The following GPC4 variants were observed in gnomAD, a reference collection of about 807,000 sequenced individuals.
GPC4 encodes the protein glypican-4.
GPC4 carries 10 observed loss-of-function variants against 35.0 expected under a neutral mutation model. The ratio of observed to expected loss-of-function variants is 0.29; its 90% CI spans 0.18 to 0.48. GPC4 has a LOEUF of 0.48. Among genes scored for constraint, GPC4 ranks in the 20% least tolerant of loss-of-function variants. The pLI, the probability that GPC4 is intolerant of heterozygous loss-of-function variation, is 0.99. For missense variants in GPC4, 322 were observed against 451.3 expected, an observed-to-expected ratio of 0.71 and a Z score of 2.60; for synonymous variants, 167 against 170.2, an observed-to-expected ratio of 0.98 and a Z score of 0.15.
chrX:133,312,757 T>C (rs960592435), intron 3 of GPC4, among the ~76,000 whole-genome samples: 1 of 111,016 alleles, frequency 9.0e-6, no homozygotes, highest in Non-Finnish European at 1.9e-5. Flanking sequence ...GGGCTATGAC[T>C]GGAAGTTTGT....
At position 133,344,191 on chromosome X, in the gene GPC4, G is replaced by T. The variant is rs1057152319; in HGVS notation, c.161-4850C>A. Among the ~76,000 whole-genome samples the T allele has an allele frequency of 1.6e-3, 64 of 38,888 alleles. No homozygotes were observed. The South Asian group carries it at 0.033, about 20-fold the overall frequency. 33.8% of individuals were successfully genotyped at this position (38,888 alleles called of 115,157 possible). A position where few individuals can be genotyped will look rare whatever the true frequency, so the allele number is the denominator to read the frequency against. ...TCTTTATTTTCTTTCTTTCTTTCTGGTTTTTTTTTTTTTTTTTTTTTTTTT... is the reference window on the plus strand; with the variant it reads ...TCTTTATTTTCTTTCTTTCTTTCTGTTTTTTTTTTTTTTTTTTTTTTTTTT... On this transcript the variant is annotated intron_variant, in intron 1 of 8. Coordinates refer to ENST00000370828, the MANE Select transcript of GPC4 (RefSeq NM_001448.3).
At position 133,305,972 on chromosome X, in the gene GPC4, C is replaced by T. The variant is rs374648524; in HGVS notation, c.1008+52G>A. On this transcript the variant is annotated intron_variant, in intron 5 of 8. Coordinates refer to ENST00000370828, the MANE Select transcript of GPC4 (RefSeq NM_001448.3). ...GGGAAGTCACTCCCAAGGCGGGAGG[C>T]GGAGGCGGGGGAGGTCCCTAGCTCC... 116 of 1,207,723 alleles carry T rather than the reference C, an allele frequency of 9.6e-5. No homozygotes were observed. In the African/African-American group the frequency reaches 1.4e-3, roughly 14 times the overall value.
intron 3 of GPC4, among the ~76,000 whole-genome samples, chrX:133,321,892 C>G (rs1261489327): frequency 2.7e-5 from 3 of 111,760 alleles, no homozygotes; most frequent in African/African-American, 9.8e-5. Context: ...TGAACAAAAA[C>G]ATACTAGAAA....
At chrX:133,333,437 T>C (rs1212797956) in intron 2 of GPC4, among the ~76,000 whole-genome samples, 3 of 112,777 alleles carry the variant, frequency 2.7e-5, no homozygotes, top group Non-Finnish European at 5.6e-5. Flanking sequence ...AAAGTCACAA[T>C]TGGTCACACT....
At chrX:133,384,337 A>T in intron 1 of GPC4, among the ~76,000 whole-genome samples, 1 of 110,833 alleles carries the variant, frequency 9.0e-6, no homozygotes, top group Non-Finnish European at 1.9e-5. Context: ...TGTTGTTAAA[A>T]CCTGCAGTGA....
intron 2 of GPC4, among the ~76,000 whole-genome samples, chrX:133,330,368 G>T (rs12559770): frequency 9.0e-6 from 1 of 110,600 alleles, no homozygotes; most frequent in Non-Finnish European, 1.9e-5. Flanking sequence ...TTTCACCTAA[G>T]ATCAAGTAAT....
In GPC4 at chrX:133,415,030, G is replaced by C. The variant is rs1476638094; in HGVS notation, c.-65C>G. ...GGACGGGAAGCGGCGCTACGGCAGCGGGCCGAGGGCTGGCGGAGTCGGGGA... is the reference window on the plus strand; with the variant it reads ...GGACGGGAAGCGGCGCTACGGCAGCCGGCCGAGGGCTGGCGGAGTCGGGGA... On this transcript the variant is annotated 5_prime_UTR_variant, in exon 1 of 9. Transcript: ENST00000370828. 3.2e-5 allele frequency: 35 copies of C among 1,095,943 alleles called. No homozygotes were observed. Among genetic ancestry groups the C allele is most frequent in the Admixed American group, 1.4e-4 (6 of 41,420 alleles). 90.3% of individuals were successfully genotyped at this position (1,095,943 alleles called of 1,213,427 possible).
At chrX:133,367,860 C>G (rs916391409) in intron 1 of GPC4, among the ~76,000 whole-genome samples, 4 of 111,989 alleles carry the variant, frequency 3.6e-5, no homozygotes, top group Admixed American at 9.4e-5. Flanking sequence ...AAAGCCAGAC[C>G]AGACTCTGTC....
chrX:133,372,498 C>T (rs968977027), intron 1 of GPC4, among the ~76,000 whole-genome samples: 1 of 110,797 alleles, frequency 9.0e-6, no homozygotes, highest in African/African-American at 3.3e-5. Context: ...GTCCATCTGC[C>T]TTGATAGTTG....
chrX:133,371,973 T>C (rs57036560), intron 1 of GPC4, among the ~76,000 whole-genome samples: 3,765 of 110,715 alleles, frequency 0.034, 154 homozygotes, highest in African/African-American at 0.12. Flanking sequence ...GTGGCTCACA[T>C]CTGTAATTCC....
chrX:133,362,633 T>C (rs751190129), intron 1 of GPC4, among the ~76,000 whole-genome samples: 1 of 111,669 alleles, frequency 9.0e-6, no homozygotes, highest in South Asian at 3.8e-4. Context: ...AGCACCAGAG[T>C]AATGCCCTGG....
At chrX:133,402,918 A>C (rs749479802) in intron 1 of GPC4, among the ~76,000 whole-genome samples, 2 of 108,498 alleles carry the variant, frequency 1.8e-5, no homozygotes, top group Non-Finnish European at 3.8e-5. Context: ...GGAAAAAAAA[A>C]AAAAAAAAAG....
intron 1 of GPC4, among the ~76,000 whole-genome samples, chrX:133,346,826 G>A (rs994827660): frequency 3.6e-5 from 4 of 111,229 alleles, no homozygotes; most frequent in African/African-American, 9.9e-5. Context: ...AAAATGTCCA[G>A]CATAAGCAAA....
intron 1 of GPC4, among the ~76,000 whole-genome samples, chrX:133,339,663 C>G (rs2068458180): frequency 8.9e-6 from 1 of 112,380 alleles, no homozygotes; most frequent in African/African-American, 3.2e-5. Context: ...TTCTCATATT[C>G]TATGCTAAAT....
In GPC4 at chrX:133,365,858, A is replaced by G. The variant is rs187982596; in HGVS notation, c.161-26517T>C. ...CATTACACATCTTTCCTAAATAGTT[A>G]CAGTTGTTTCACATACTTTTCTTTG... is the stretch of plus-strand genomic sequence containing the variant. On this transcript the variant is annotated intron_variant, in intron 1 of 8. Coordinates refer to ENST00000370828, the MANE Select transcript of GPC4 (RefSeq NM_001448.3). 7.4e-3 allele frequency among the ~76,000 whole-genome samples: 838 copies of G among 112,710 alleles called. 6 individuals are homozygous for G. Among genetic ancestry groups the G allele is most frequent in the Non-Finnish European group, 0.012 (640 of 53,396 alleles).
rs776529929 is a variant in GPC4, at chrX:133,395,459, C to G, written c.160+19347G>C. On this transcript the variant is annotated intron_variant, in intron 1 of 8. Transcript: ENST00000370828. ...CCAACACGGTGAAACCCTGTCTCTA[C>G]TAAAAAAATACAAAATTAGCCAGGT... is the stretch of plus-strand genomic sequence containing the variant. Among the ~76,000 whole-genome samples, 27 of 109,589 alleles carry G rather than the reference C, an allele frequency of 2.5e-4. 1 individual carries two copies. The Middle Eastern group carries it at 0.024, about 97-fold the overall frequency.
intron 1 of GPC4, among the ~76,000 whole-genome samples, chrX:133,398,881 G>A (rs1021023695): frequency 1.1e-4 from 12 of 111,360 alleles, no homozygotes; most frequent in African/African-American, 2.9e-4. Context: ...AGCAGCATGT[G>A]GCAAGGAAGG....
chrX:133,391,414 G>A (rs915467826), intron 1 of GPC4, among the ~76,000 whole-genome samples: 1 of 112,074 alleles, frequency 8.9e-6, no homozygotes, highest in East Asian at 2.8e-4. Flanking sequence ...TGTAAACCAG[G>A]ACTGGGATAG....
At chrX:133,362,577 A>G (rs1166658368) in intron 1 of GPC4, among the ~76,000 whole-genome samples, 1 of 111,538 alleles carries the variant, frequency 9.0e-6, no homozygotes, top group Non-Finnish European at 1.9e-5. Flanking sequence ...CTTTAGAACA[A>G]TGCCTTCTTA....
Sources: gnomAD v4.1 joint callset for allele counts (sites outside exome capture counted in the v4.1 genomes callset) on GRCh38, gnomAD v4.1.1 for gene constraint, MANE v1.5 for transcripts, NCBI Gene and HGNC (gene_info 2026-07-23, HGNC 2026-07-21) for gene names.